Variants in COLEC12 observed in about 807,000 individuals in gnomAD.
COLEC12 encodes the protein collectin-12.
Under a neutral mutation model 71.1 loss-of-function variants are expected in COLEC12, and 33 were observed. The ratio of observed to expected loss-of-function variants is 0.46; its 90% CI spans 0.35 to 0.62. The LOEUF is 0.62. COLEC12 is among the 20% of genes least tolerant of loss of function. COLEC12 has a pLI of 0.00. For synonymous variants in COLEC12, 350 were observed against 353.0 expected (o/e 0.99, Z 0.10); for missense variants, 765 against 916.1 (o/e 0.84, Z 2.13).
intron 2 of COLEC12, among the ~76,000 whole-genome samples, chr18:426,972 C>T (rs1027415261): frequency 6.6e-6 from 1 of 152,226 alleles, no homozygotes; most frequent in Non-Finnish European, 1.5e-5. Flanking sequence ...CTTCCTAGGG[C>T]TGCAAGACCC....
chr18:334,714 C>A (rs575103920), intron 6 of COLEC12, 28 bp downstream of exon 6: 6 of 1,454,212 alleles, frequency 4.1e-6, no homozygotes, highest in Non-Finnish European at 4.5e-6. Context: ...GCCCTGTCCC[C>A]CTGGCTGGAG....
intron 2 of COLEC12, among the ~76,000 whole-genome samples, chr18:367,503 T>C (rs1312201509): frequency 6.6e-6 from 1 of 152,232 alleles, no homozygotes; most frequent in Non-Finnish European, 1.5e-5. Context: ...GTGAAGATGA[T>C]AGTCGAAGAC....
intron 3 of COLEC12, among the ~76,000 whole-genome samples, chr18:355,047 G>GCATGCATCCATC (rs755545328): frequency 1.5e-3 from 226 of 150,378 alleles, no homozygotes; most frequent in African/African-American, 5.4e-3. Flanking sequence ...ATCCATCCAT[G>GCATGCATCCATC]CATCCATCCA....
At chr18:325,539 G>T (rs1913816653) in intron 8 of COLEC12, among the ~76,000 whole-genome samples, 1 of 150,754 alleles carries the variant, frequency 6.6e-6, no homozygotes. Context: ...GCTCCCGCAG[G>T]TCTAGCAGGC....
At chr18:342,199 G>A (rs957444874) in intron 5 of COLEC12, among the ~76,000 whole-genome samples, 10 of 152,014 alleles carry the variant, frequency 6.6e-5, no homozygotes, top group African/African-American at 1.7e-4. Context: ...CTGGGATTAC[G>A]GGCATGTGCC....
chr18:351,432 C>T (rs1914519087), intron 3 of COLEC12, among the ~76,000 whole-genome samples: 1 of 152,174 alleles, frequency 6.6e-6, no homozygotes, highest in Non-Finnish European at 1.5e-5. Context: ...GGACTCACTG[C>T]ACTGTGCTGT....
chr18:421,366 C>A (rs2621179), intron 2 of COLEC12, among the ~76,000 whole-genome samples: 139,100 of 152,056 alleles, frequency 0.91, 64,368 homozygotes, highest in East Asian at 1. Flanking sequence ...GTCTGTTTCC[C>A]GACACGGTGC....
chr18:489,216 A>G (rs1419914849), intron 1 of COLEC12, among the ~76,000 whole-genome samples: 2 of 152,256 alleles, frequency 1.3e-5, no homozygotes, highest in Admixed American at 1.3e-4. Context: ...CAAAGTTGGA[A>G]GCTAAAGTAA....
intron 8 of COLEC12, among the ~76,000 whole-genome samples, chr18:325,422 TC>T: frequency 1.3e-5 from 2 of 151,858 alleles, no homozygotes; most frequent in Non-Finnish European, 2.9e-5. Flanking sequence ...TCTCTGGTGA[TC>T]TAAGGTGGGC....
intron 1 of COLEC12, among the ~76,000 whole-genome samples, chr18:493,783 A>C (rs1383317814): frequency 6.6e-6 from 1 of 152,248 alleles, no homozygotes; most frequent in Admixed American, 6.5e-5. Flanking sequence ...TGGAAAACTA[A>C]TACTACTGAT....
At chr18:347,392 A>G in intron 4 of COLEC12, 51 bp from the exon 5 acceptor site, 1 of 1,486,554 alleles carries the variant, frequency 6.7e-7, no homozygotes, top group Non-Finnish European at 9.3e-7. Flanking sequence ...AGAAGTGTTC[A>G]GGCAAGGCCA....
intron 2 of COLEC12, among the ~76,000 whole-genome samples, chr18:402,196 A>G (rs1301433365): frequency 6.6e-6 from 1 of 152,108 alleles, no homozygotes; most frequent in Non-Finnish European, 1.5e-5. Flanking sequence ...GAGACTCAGG[A>G]GCACTGGTTA....
At chr18:451,902 A>C (rs1421512899) in intron 2 of COLEC12, among the ~76,000 whole-genome samples, 1 of 152,232 alleles carries the variant, frequency 6.6e-6, no homozygotes, top group Admixed American at 6.5e-5. Context: ...TCACGTAAGT[A>C]AAGAGGAGCC....
intron 2 of COLEC12, among the ~76,000 whole-genome samples, chr18:437,895 G>A (rs906487831): frequency 6.6e-6 from 1 of 152,030 alleles, no homozygotes; most frequent in East Asian, 1.9e-4. Context: ...AACTAGACTC[G>A]GGAAAACAGG....
chr18:418,537 C>G (rs368173711), intron 2 of COLEC12, among the ~76,000 whole-genome samples: 25 of 152,316 alleles, frequency 1.6e-4, no homozygotes, highest in South Asian at 6.2e-4. Context: ...TTAAGGCATT[C>G]TAAATCACAG....
intron 2 of COLEC12, among the ~76,000 whole-genome samples, chr18:449,465 T>C (rs1224913073): frequency 6.6e-6 from 1 of 152,194 alleles, no homozygotes; most frequent in East Asian, 1.9e-4. Flanking sequence ...GGAAACAAAC[T>C]CTGCAAAGCT....
At chr18:467,110 C>T (rs1476560603) in intron 2 of COLEC12, among the ~76,000 whole-genome samples, 6 of 152,226 alleles carry the variant, frequency 3.9e-5, no homozygotes, top group South Asian at 2.1e-4. Context: ...TCTATTCCTT[C>T]TTTCCTTCCT....
At chr18:419,206 C>A (rs1231690230) in intron 2 of COLEC12, among the ~76,000 whole-genome samples, 2 of 130,648 alleles carry the variant, frequency 1.5e-5, no homozygotes, top group Non-Finnish European at 3.4e-5. Context: ...CTATTCTATT[C>A]TATTCTAATT....
intron 2 of COLEC12, among the ~76,000 whole-genome samples, chr18:466,120 G>A (rs1359872787): frequency 3.9e-5 from 6 of 151,938 alleles, no homozygotes; most frequent in Non-Finnish European, 8.8e-5. Context: ...GTTGCCTGTA[G>A]TCCCAGCTAC....
Sources: allele counts gnomAD v4.1 joint callset (sites outside exome capture counted in the v4.1 genomes callset), GRCh38; gene constraint gnomAD v4.1.1; transcripts MANE v1.5; gene names NCBI Gene and HGNC (gene_info 2026-07-23, HGNC 2026-07-21).